PRR27: variants seen among roughly 807,000 people sequenced by gnomAD.
The protein encoded by PRR27 is proline rich 27.
A neutral mutation model predicts 16.8 loss-of-function variants in PRR27; 12 were observed. The ratio of observed to expected loss-of-function variants is 0.71; its 90% CI spans 0.46 to 1.16. The LOEUF (loss-of-function observed/expected upper bound fraction) is 1.16, where lower values mean the gene tolerates loss of function less well. Among genes scored for constraint, PRR27 ranks in the 50% most tolerant of loss-of-function variants. The pLI is 0.00. For missense variants in PRR27, 277 were observed against 273.3 expected (o/e 1.01, Z -0.10); for synonymous variants, 100 against 98.4 (o/e 1.02, Z -0.10).
rs1305934368 is a variant in PRR27 at position 70,155,811 on chromosome 4, T to C, written c.52-243T>C. ...CAGATGATAAAGATTTATGTACATG[T>C]TGAATATTACAAACCAAAATCCATC... On this transcript the variant is annotated intron_variant, in intron 1 of 4. Transcript: ENST00000344526. Among the ~76,000 whole-genome samples the C allele has an allele frequency of 2.0e-5, 3 of 152,126 alleles. No individual in the cohort carries two copies. The East Asian group carries it at 5.8e-4, about 29-fold the overall frequency.
At chr4:70,159,894 T>C (rs1314662360) in intron 3 of PRR27, among the ~76,000 whole-genome samples, 1 of 152,300 alleles carries the variant, frequency 6.6e-6, no homozygotes, top group African/African-American at 2.4e-5. Flanking sequence ...CAAGAACTTT[T>C]TCCTGCCCTA....
rs1428218341 is a variant in PRR27, at chr4:70,154,473, C to T, written c.51+47C>T. The T allele has an allele frequency of 8.3e-6, 12 of 1,452,186 alleles. No homozygotes were observed. The South Asian group carries it at 1.4e-4, about 17-fold the overall frequency. 90.0% of individuals were successfully genotyped at this position (1,452,186 alleles called of 1,614,324 possible). A position where few individuals can be genotyped will look rare whatever the true frequency, so the allele number is the denominator to read the frequency against. On this transcript the variant is annotated intron_variant, in intron 1 of 4. Coordinates refer to ENST00000344526, the MANE Select transcript of PRR27 (RefSeq NM_214711.4). The stretch of plus-strand genomic sequence containing the variant: ...ATTGTAACAATTGTATAACCATTTG[C>T]TAATTGTTTATAGGCATTTGTGCTT...
rs145691438 is a variant in PRR27 at position 70,158,415 on chromosome 4, C to A, written c.163C>A (p.Pro55Thr). 1.3e-4 allele frequency: 204 copies of A among 1,613,766 alleles called. 3 individuals carry two copies. The East Asian group carries it at 4.5e-3, about 36-fold the overall frequency. ...TTTACCACCTCCTCTTTATTATCGC[C>A]CAGTGAATACAGTCCCCAGTTACCC... is the stretch of plus-strand genomic sequence containing the variant. ...RNLPPPLYYR[P>T]VNTVPSYPGN... is the part of the protein sequence containing the mutation. Residue 55 changes from proline to threonine, a missense_variant, in exon 3 of 5, where the codon CCA (proline) becomes ACA (threonine). By Grantham distance (38) the Pro-to-Thr change is conservative (BLOSUM62 -1). Coordinates refer to ENST00000344526, the MANE Select transcript of PRR27 (RefSeq NM_214711.4).
intron 3 of PRR27, among the ~76,000 whole-genome samples, chr4:70,160,441 CTCTG>C (rs1156499665): frequency 2.5e-4 from 22 of 87,454 alleles, no homozygotes; most frequent in Admixed American, 7.3e-4. Flanking sequence ...CTCTCTCTCT[CTCTG>C]TGTGTGTGTG....
At chr4:70,160,571 A>G (rs917237710) in intron 3 of PRR27, among the ~76,000 whole-genome samples, 4 of 151,546 alleles carry the variant, frequency 2.6e-5, no homozygotes, top group Admixed American at 6.6e-5. Context: ...AGTGATTACT[A>G]TTTTACACAG....
At chr4:70,154,664 A>G (rs554243386) in intron 1 of PRR27, 111 of 958,066 alleles carry the variant, frequency 1.2e-4, no homozygotes, top group Non-Finnish European at 1.7e-4. Context: ...TCATAAATGT[A>G]GGAGGCTGGA....
In PRR27 at chr4:70,164,381, T is replaced by C. The variant is rs903879166; in HGVS notation, c.*1720T>C. The C allele has an allele frequency of 3.3e-5, 5 of 152,174 alleles. No individual in the cohort carries two copies. Among genetic ancestry groups the C allele is most frequent in the Non-Finnish European group, 5.9e-5 (4 of 68,032 alleles). 9.4% of individuals were successfully genotyped at this position (152,174 alleles called of 1,614,324 possible). A position where few individuals can be genotyped will look rare whatever the true frequency, so the allele number is the denominator to read the frequency against. On this transcript the variant is annotated 3_prime_UTR_variant, in exon 5 of 5. Transcript: ENST00000344526. Reference sequence around the variant, plus strand: ...TTTTTATTTTGAAATAATTTTGTATTTTTCCCTATATCCTACATTGGATCA... The same window carrying C: ...TTTTTATTTTGAAATAATTTTGTATCTTTCCCTATATCCTACATTGGATCA...
intron 3 of PRR27, among the ~76,000 whole-genome samples, 164 bp from the exon 4 acceptor site, chr4:70,161,422 G>C (rs1365543062): frequency 3.0e-4 from 46 of 151,316 alleles, no homozygotes; most frequent in Admixed American, 3.0e-3. Flanking sequence ...GTTTCAGAAA[G>C]CTAAATCTAG....
chr4:70,156,944 G>A (rs1728496146), intron 2 of PRR27, among the ~76,000 whole-genome samples: 1 of 152,004 alleles, frequency 6.6e-6, no homozygotes, highest in Admixed American at 6.5e-5. Context: ...ACAACGTGCA[G>A]GTTTGTTACA....
At chr4:70,155,240 C>T (rs1728447945) in intron 1 of PRR27, among the ~76,000 whole-genome samples, 1 of 152,040 alleles carries the variant, frequency 6.6e-6, no homozygotes, top group South Asian at 2.1e-4. Flanking sequence ...TATTTTTATT[C>T]TGTAGTTCAT....
rs1399614959 is a variant in PRR27, at chr4:70,166,083, G to A, written c.*3422G>A. 1 of 151,908 alleles carries A rather than the reference G, an allele frequency of 6.6e-6. No individual in the cohort carries two copies. Among genetic ancestry groups the A allele is most frequent in the East Asian group, 1.9e-4 (1 of 5,180 alleles). The allele number at this position is 151,908 out of a possible 1,614,324, so 9.4% of individuals were successfully genotyped here. ...ATATAAACAAGACATATAATAAATG[G>A]TATGTCATTTCACAATTTACTATTT... On this transcript the variant is annotated 3_prime_UTR_variant, in exon 5 of 5. Transcript: ENST00000344526.
intron 2 of PRR27, 128 bp downstream of exon 2, chr4:70,156,205 C>T: frequency 2.2e-6 from 1 of 461,376 alleles, no homozygotes; most frequent in South Asian, 6.0e-5. Flanking sequence ...AATAATAGTG[C>T]TATTAAACTC....
Position 70,154,314 on chromosome 4 carries a change from A to C in PRR27, c.-62A>C. 1 of 1,308,668 alleles carries C rather than the reference A, an allele frequency of 7.6e-7. No homozygotes were observed. The allele number at this position is 1,308,668 out of a possible 1,614,324, so 81.1% of individuals were successfully genotyped here. The stretch of plus-strand genomic sequence containing the variant: ...AAAAGAAGAAAAATATAATTTAAAA[A>C]TACATTGCGTATTTTCTAAAACAAT... On this transcript the variant is annotated 5_prime_UTR_variant, in exon 1 of 5. Transcript: ENST00000344526.
At chr4:70,158,950 AG>A (rs1728568290) in intron 3 of PRR27, 50 bp downstream of exon 3, 5 of 1,368,780 alleles carry the variant, frequency 3.7e-6, no homozygotes, top group East Asian at 2.5e-5. Flanking sequence ...TGAGATTTGT[AG>A]AAGGGGAAAA....
rs1245455017 is a variant in PRR27, at chr4:70,165,632, C to A, written c.*2971C>A. The A allele has an allele frequency of 2.0e-5, 3 of 151,912 alleles. No homozygotes were observed. The highest frequency in any genetic ancestry group is 4.4e-5 in the Non-Finnish European group (3 of 67,922). The allele number at this position is 151,912 out of a possible 1,614,324, so 9.4% of individuals were successfully genotyped here. On this transcript the variant is annotated 3_prime_UTR_variant, in exon 5 of 5. Transcript: ENST00000344526. ...ACTGCGAAATTATTTTGAGTCATAT[C>A]TTTTGATCGATATTAAGATACATTT... is the stretch of plus-strand genomic sequence containing the variant.
At chr4:70,162,542 A>G (rs1010079746) in intron 4 of PRR27, among the ~76,000 whole-genome samples, 153 bp from the exon 5 acceptor site, 4 of 152,074 alleles carry the variant, frequency 2.6e-5, no homozygotes, top group African/African-American at 9.7e-5. Flanking sequence ...TGTATTTAGT[A>G]TTTTGCCAAA....
At chr4:70,161,842 G>A (rs753513181) in intron 4 of PRR27, among the ~76,000 whole-genome samples, 1 of 152,082 alleles carries the variant, frequency 6.6e-6, no homozygotes, top group Non-Finnish European at 1.5e-5. Flanking sequence ...AACAAATAGC[G>A]AGTTCCTCCT....
chr4:70,160,443 C>CTCTGTGTGTGTGTGTG (rs1298386504), intron 3 of PRR27, among the ~76,000 whole-genome samples: 1,192 of 68,656 alleles, frequency 0.017, 26 homozygotes, highest in Non-Finnish European at 0.025. Flanking sequence ...CTCTCTCTCT[C>CTCTGTGTGTGTGTGTG]TGTGTGTGTG....
chr4:70,161,444 A>C (rs1728647820), intron 3 of PRR27, 142 bp from the exon 4 acceptor site: 1 of 482,114 alleles, frequency 2.1e-6, no homozygotes. Context: ...AGCAGTATAG[A>C]ATATTTTAAA....
Sources: allele counts gnomAD v4.1 joint callset (sites outside exome capture counted in the v4.1 genomes callset), GRCh38; gene constraint gnomAD v4.1.1; transcripts MANE v1.5; gene names NCBI Gene and HGNC (gene_info 2026-07-23, HGNC 2026-07-21).